DGLUCY: variants seen among roughly 807,000 people sequenced by gnomAD.
DGLUCY encodes the protein D-glutamate cyclase, mitochondrial.
In DGLUCY, 58 loss-of-function variants were observed where a neutral mutation model predicts 58.5. The observed-to-expected ratio is 0.99, with a 90% CI of 0.80 to 1.23. DGLUCY has a LOEUF of 1.23. DGLUCY is among the 50% of genes most tolerant of loss of function. DGLUCY has a pLI of 0.00. For synonymous variants in DGLUCY, 325 were observed against 314.1 expected (o/e 1.03, Z -0.37); for missense variants, 779 against 784.7 (o/e 0.99, Z 0.09).
upstream of DGLUCY, among the ~76,000 whole-genome samples, chr14:91,105,655 A>G (rs944103549): frequency 6.6e-6 from 1 of 152,216 alleles, no homozygotes; most frequent in African/African-American, 2.4e-5. Context: ...TATGAAACTC[A>G]TTCTTCAGAG....
intron 1 of DGLUCY, among the ~76,000 whole-genome samples, chr14:91,092,420 G>T (rs960859597): frequency 9.9e-5 from 15 of 152,148 alleles, no homozygotes; most frequent in African/African-American, 3.6e-4. Context: ...TATGCTAGTG[G>T]GTTCTAATCT....
At chr14:91,168,603 C>T (rs940971145) in intron 4 of DGLUCY, among the ~76,000 whole-genome samples, 1 of 152,192 alleles carries the variant, frequency 6.6e-6, no homozygotes, top group African/African-American at 2.4e-5. Context: ...CTGGGTATGC[C>T]TTCTTCCTTG....
chr14:91,164,517 T>A (rs761176169), intron 3 of DGLUCY, among the ~76,000 whole-genome samples: 1 of 152,196 alleles, frequency 6.6e-6, no homozygotes. Context: ...ATTTGGGTGT[T>A]GTGATCTAAG....
At chr14:91,213,900 A>G (rs919363080) in intron 12 of DGLUCY, among the ~76,000 whole-genome samples, 3 of 152,028 alleles carry the variant, frequency 2.0e-5, no homozygotes, top group Non-Finnish European at 4.4e-5. Flanking sequence ...GGGTTTCACC[A>G]TGTTGGCCAG....
At chr14:91,136,886 T>A (rs1386472369) in intron 1 of DGLUCY, among the ~76,000 whole-genome samples, 1 of 152,088 alleles carries the variant, frequency 6.6e-6, no homozygotes, top group Admixed American at 6.6e-5. Flanking sequence ...GGAGAATTGC[T>A]TGAACCCGGG....
chr14:91,069,799 C>CTTTTTTTTTTTTTTTTTTTTTTT (rs5810528), intron 1 of DGLUCY, among the ~76,000 whole-genome samples: 9 of 121,030 alleles, frequency 7.4e-5, no homozygotes, highest in Admixed American at 1.8e-4. Flanking sequence ...TGATATGCCT[C>CTTTTTTTTTTTTTTTTTTTTTTT]TTTTTTTTTT....
intron 1 of DGLUCY, among the ~76,000 whole-genome samples, chr14:91,085,501 G>A (rs1052081831): frequency 3.3e-4 from 50 of 151,218 alleles, no homozygotes; most frequent in African/African-American, 1.2e-3. Context: ...TGGAAGATTG[G>A]TGCCAGGACC....
chr14:91,223,131 A>G (rs1482639651), intron 13 of DGLUCY, among the ~76,000 whole-genome samples: 6 of 152,246 alleles, frequency 3.9e-5, no homozygotes, highest in Non-Finnish European at 8.8e-5. Context: ...CCCTGCCTCC[A>G]GAAAATGTTC....
upstream of DGLUCY, among the ~76,000 whole-genome samples, chr14:91,104,064 T>TTTTTTTTTTTTTTC (rs1555391198): frequency 1.8e-5 from 2 of 113,962 alleles, no homozygotes; most frequent in African/African-American, 3.5e-5. Flanking sequence ...AAACATTCTT[T>TTTTTTTTTTTTTTC]TTTTTTTTTT....
rs750682848 is a variant in DGLUCY, at chr14:91,167,279, A to T, written c.158A>T (p.Glu53Val). 4.3e-6 allele frequency: 7 copies of T among 1,612,354 alleles called. No individual in the cohort carries two copies. The highest frequency in any genetic ancestry group is 5.9e-6 in the Non-Finnish European group (7 of 1,179,614). ...CCCAGGTCCCTTGCTCCAGCTTTTG[A>T]AAGATTCTGCCAGGTCAACACTGGT... ...VLPRSLAPAFERFCQVNTGPL... is the reference protein window; with the variant it reads ...VLPRSLAPAFVRFCQVNTGPL... Residue 53 changes from glutamate to valine, a missense_variant, in exon 4 of 14, where the codon GAA becomes GTA. By Grantham distance (121) the Glu-to-Val change is moderately radical (BLOSUM62 -2). Transcript: ENST00000256324.
intron 1 of DGLUCY, 165 bp downstream of exon 1, chr14:91,114,448 C>T (rs1028442974): frequency 6.6e-6 from 1 of 152,432 alleles, no homozygotes; most frequent in African/African-American, 2.4e-5. Context: ...TGAAATTCTC[C>T]ACTGAGGCCC....
chr14:91,104,156 G>A (rs867567902), upstream of DGLUCY, among the ~76,000 whole-genome samples: 51 of 146,574 alleles, frequency 3.5e-4, no homozygotes, highest in Middle Eastern at 3.7e-3. Context: ...TCCGCCTCCC[G>A]GGTTCACACC....
At chr14:91,111,202 A>ATGTGTGTGTG (rs71120113), upstream of DGLUCY, among the ~76,000 whole-genome samples, 17 of 46,336 alleles carry the variant, frequency 3.7e-4, no homozygotes, top group African/African-American at 8.0e-4. Context: ...ATTTATATAT[A>ATGTGTGTGTG]TGTGTGTGTG....
At chr14:91,223,543 G>A in intron 13 of DGLUCY, 1 of 515,536 alleles carries the variant, frequency 1.9e-6, no homozygotes, top group Non-Finnish European at 3.1e-6. Flanking sequence ...AAGGCTCACT[G>A]TCCTTAGGGG....
chr14:91,188,189 C>T (rs886412806), intron 8 of DGLUCY, among the ~76,000 whole-genome samples: 1 of 152,094 alleles, frequency 6.6e-6, no homozygotes, highest in East Asian at 1.9e-4. Flanking sequence ...GCAGGTCTGC[C>T]GTTACATCCT....
intron 9 of DGLUCY, among the ~76,000 whole-genome samples, chr14:91,193,755 C>A (rs2050043241): frequency 6.6e-6 from 1 of 151,504 alleles, no homozygotes; most frequent in Admixed American, 6.6e-5. Context: ...GGCAGGAGAA[C>A]CGCTTGAACC....
upstream of DGLUCY, among the ~76,000 whole-genome samples, chr14:91,105,851 C>T (rs1386332643): frequency 2.0e-5 from 3 of 152,154 alleles, no homozygotes; most frequent in Admixed American, 6.5e-5. Flanking sequence ...TAGGCTACGA[C>T]ACATCTAGGC....
chr14:91,199,580 T>G (rs921308938), intron 10 of DGLUCY, among the ~76,000 whole-genome samples, 177 bp from the exon 11 acceptor site: 1 of 152,074 alleles, frequency 6.6e-6, no homozygotes, highest in Non-Finnish European at 1.5e-5. Flanking sequence ...ACTGACTTAA[T>G]AGACTAGTCT....
chr14:91,225,148 A>G lies in DGLUCY; in HGVS notation c.*315A>G. 4.9e-6 allele frequency: 1 copy of G among 204,446 alleles called. No individual in the cohort carries two copies. The highest frequency in any genetic ancestry group is 9.8e-6 in the Non-Finnish European group (1 of 102,032). The allele number at this position is 204,446 out of a possible 1,614,324, so 12.7% of individuals were successfully genotyped here. ...TCCTGTGAGAATCTTCTCGACAGTT[A>G]CTTATGGGGACACTTGTGAACAATT... On this transcript the variant is annotated 3_prime_UTR_variant, in exon 14 of 14. Coordinates refer to ENST00000256324, the MANE Select transcript of DGLUCY (RefSeq NM_001102368.3).
Sources: gnomAD v4.1 joint callset for allele counts (sites outside exome capture counted in the v4.1 genomes callset) on GRCh38, gnomAD v4.1.1 for gene constraint, MANE v1.5 for transcripts, NCBI Gene and HGNC (gene_info 2026-07-23, HGNC 2026-07-21) for gene names.